KLHL13: variants seen among roughly 807,000 people sequenced by gnomAD.
KLHL13 encodes the protein kelch like family member 13.
KLHL13 carries 10 observed loss-of-function variants against 37.1 expected under a neutral mutation model. That is an observed-to-expected ratio of 0.27 (90% CI 0.17 to 0.46). The LOEUF is 0.46. KLHL13 is among the 20% of genes least tolerant of loss of function. KLHL13 has a pLI of 1.00. For synonymous variants in KLHL13, 163 were observed against 181.2 expected (o/e 0.90, Z 0.81); for missense variants, 360 against 509.3 (o/e 0.71, Z 2.82).
chrX:118,027,021 C>A (rs943870379), intron 1 of KLHL13, among the ~76,000 whole-genome samples: 1 of 111,787 alleles, frequency 8.9e-6, no homozygotes, highest in African/African-American at 3.2e-5. Flanking sequence ...GTAGAAGTAA[C>A]CCAGTCAAAA....
At chrX:117,954,952 C>A (rs1243456893) in intron 1 of KLHL13, among the ~76,000 whole-genome samples, 1 of 111,956 alleles carries the variant, frequency 8.9e-6, no homozygotes, top group Non-Finnish European at 1.9e-5. Flanking sequence ...AGCTTTGCTT[C>A]CAGAGGACTT....
At chrX:118,022,573 T>C (rs1294063082) in intron 1 of KLHL13, among the ~76,000 whole-genome samples, 1 of 112,158 alleles carries the variant, frequency 8.9e-6, no homozygotes, top group Non-Finnish European at 1.9e-5. Context: ...TTCATTTACA[T>C]CTCCCTGATG....
chrX:117,978,862 A>T (rs2053626131), intron 1 of KLHL13, among the ~76,000 whole-genome samples: 1 of 106,085 alleles, frequency 9.4e-6, no homozygotes, highest in Admixed American at 1.0e-4. Context: ...AAAATGCTTT[A>T]AACTCCAAAC....
exon 1 of KLHL13, chrX:117,973,703 CTGCAGCAGCGAAG>C: frequency 4.6e-5 from 39 of 841,159 alleles, no homozygotes; most frequent in Non-Finnish European, 5.5e-5. Flanking sequence ...ACTCTCTCTT[CTGCAGCAGCGAAG>C]TACAGAGTAG....
intron 1 of KLHL13, among the ~76,000 whole-genome samples, chrX:118,041,623 ATTTG>A (rs752778441): frequency 9.3e-4 from 104 of 112,026 alleles, no homozygotes; most frequent in Admixed American, 1.5e-3. Flanking sequence ...TCTCTTGCTT[ATTTG>A]TTTGATTATT....
At chrX:117,908,407 A>C (rs776954520) in intron 5 of KLHL13, among the ~76,000 whole-genome samples, 2 of 108,090 alleles carry the variant, frequency 1.9e-5, no homozygotes, top group Non-Finnish European at 3.8e-5. Flanking sequence ...CCCCAACCCC[A>C]GACAGGCCCT....
Position 118,053,181 on chromosome X carries a change from G to C in KLHL13, c.-56+63327C>G, listed in dbSNP as rs1393540468. On this transcript the variant is annotated intron_variant, in intron 1 of 6. Transcript: ENST00000371882. ...TTATAAAACATGCTGCTATAAAGAC[G>C]CATGCACACGTATATTTATTGCAGC... Among the ~76,000 whole-genome samples the C allele has an allele frequency of 1.4e-4, 16 of 111,844 alleles. No homozygotes were observed. The Admixed American group carries it at 1.5e-3, about 11-fold the overall frequency.
chrX:118,033,294 A>G (rs1246183776), intron 1 of KLHL13, among the ~76,000 whole-genome samples: 1 of 111,316 alleles, frequency 9.0e-6, no homozygotes, highest in Non-Finnish European at 1.9e-5. Flanking sequence ...TAATTGTCAC[A>G]TTCACCAAAG....
At chrX:117,994,970 T>C (rs1419634410) in intron 1 of KLHL13, among the ~76,000 whole-genome samples, 1 of 111,520 alleles carries the variant, frequency 9.0e-6, no homozygotes, top group African/African-American at 3.3e-5. Context: ...ATCACTTGAG[T>C]CATAGAGTTC....
exon 1 of KLHL13, chrX:117,973,157 C>CTT: frequency 2.7e-6 from 2 of 748,269 alleles, no homozygotes; most frequent in South Asian, 3.3e-5. Context: ...AGCAGCCAGG[C>CTT]TTTTTTTTTT....
At chrX:117,983,637 CTGT>C in intron 1 of KLHL13, 3 of 513,498 alleles carry the variant, frequency 5.8e-6, no homozygotes, top group African/African-American at 2.4e-5. Flanking sequence ...AGCATTTTAG[CTGT>C]AAATTAATAA....
intron 1 of KLHL13, among the ~76,000 whole-genome samples, chrX:118,038,542 C>A (rs902850681): frequency 2.7e-5 from 3 of 111,086 alleles, no homozygotes; most frequent in African/African-American, 9.8e-5. Context: ...CTCAGTGCTA[C>A]CCTGTCAGAG....
At chrX:117,974,738 A>G (rs1234254185), upstream of KLHL13, among the ~76,000 whole-genome samples, 1 of 111,777 alleles carries the variant, frequency 8.9e-6, no homozygotes, top group Non-Finnish European at 1.9e-5. Context: ...ATACACATAC[A>G]TACATATATG....
Position 118,107,978 on chromosome X carries a change from G to A in KLHL13, c.-56+8530C>T, listed in dbSNP as rs752153839. Among the ~76,000 whole-genome samples, 4 of 111,890 alleles carry A rather than the reference G, an allele frequency of 3.6e-5. No individual in the cohort carries two copies. The East Asian group carries it at 8.4e-4, about 24-fold the overall frequency. On this transcript the variant is annotated intron_variant, in intron 1 of 6. Transcript: ENST00000371882. ...TGAGGTGGGAAGATCACTTGAACTT[G>A]GGAGGTTGAAGCTGTAGTGAGCCTT...
intron 1 of KLHL13, among the ~76,000 whole-genome samples, chrX:118,035,247 C>T (rs1357686135): frequency 2.0e-5 from 2 of 101,747 alleles, no homozygotes; most frequent in Admixed American, 2.0e-4. Context: ...TTTTATGAGG[C>T]CAGCATCATT....
intron 1 of KLHL13, among the ~76,000 whole-genome samples, chrX:118,097,423 TAA>T (rs1278324418): frequency 2.7e-5 from 3 of 110,916 alleles, no homozygotes; most frequent in Non-Finnish European, 5.7e-5. Context: ...CTCAAGCAAA[TAA>T]AAGAGGATAC....
intron 1 of KLHL13, among the ~76,000 whole-genome samples, chrX:117,982,189 T>A (rs980406410): frequency 8.2e-5 from 9 of 110,089 alleles, no homozygotes; most frequent in African/African-American, 2.6e-4. Flanking sequence ...TGTAAATACA[T>A]TGTTACAGTA....
chrX:118,023,718 A>G (rs1302690087), intron 1 of KLHL13, among the ~76,000 whole-genome samples: 1 of 111,035 alleles, frequency 9.0e-6, no homozygotes, highest in Non-Finnish European at 1.9e-5. Flanking sequence ...ACAGGTGTGC[A>G]CCACCATGCC....
At chrX:117,905,504 T>TACACAC (rs1930446837) in intron 5 of KLHL13, among the ~76,000 whole-genome samples, 1 of 93,757 alleles carries the variant, frequency 1.1e-5, no homozygotes, top group Non-Finnish European at 2.1e-5. Flanking sequence ...TGCTAGTGCG[T>TACACAC]GCACACACAC....
Sources: allele counts gnomAD v4.1 joint callset (sites outside exome capture counted in the v4.1 genomes callset), GRCh38; gene constraint gnomAD v4.1.1; transcripts MANE v1.5; gene names NCBI Gene and HGNC (gene_info 2026-07-23, HGNC 2026-07-21).